CXADR: variants seen among roughly 807,000 people sequenced by gnomAD.
The protein encoded by CXADR is coxsackievirus and adenovirus receptor.
CXADR carries 20 observed loss-of-function variants against 40.3 expected under a neutral mutation model. That is an observed-to-expected ratio of 0.50 (90% CI 0.35 to 0.72). CXADR has a LOEUF of 0.72. CXADR is among the 30% of genes least tolerant of loss of function. CXADR has a pLI of 0.01. For missense variants in CXADR, 332 were observed against 449.1 expected (o/e 0.74, Z 2.36); for synonymous variants, 150 against 161.3 (o/e 0.93, Z 0.53).
chr21:17,598,549 T>C (rs189739532), downstream of CXADR: 2 of 1,348,710 alleles, frequency 1.5e-6, no homozygotes, highest in Non-Finnish European at 2.1e-6. Flanking sequence ...CAATGCCAAG[T>C]AGGACTACCT....
At chr21:17,604,735 C>T in the CXADR span, 8 of 1,187,388 alleles carry the variant, frequency 6.7e-6, no homozygotes, top group Non-Finnish European at 9.1e-6. Context: ...ATAAAATTTA[C>T]ATCTGAGAGA....
chr21:17,536,897 C>T (rs2060765824), intron 1 of CXADR, among the ~76,000 whole-genome samples: 1 of 152,088 alleles, frequency 6.6e-6, no homozygotes. Flanking sequence ...ACTGGGACTA[C>T]AGGCGCCCAC....
chr21:17,562,715 T>A (rs115944530), intron 6 of CXADR, among the ~76,000 whole-genome samples: 1 of 152,376 alleles, frequency 6.6e-6, no homozygotes, highest in African/African-American at 2.4e-5. Flanking sequence ...TCATCAACGA[T>A]CTTTTAACTA....
At chr21:17,530,132 T>TTTTTC (rs1555863321) in intron 1 of CXADR, among the ~76,000 whole-genome samples, 81 of 143,602 alleles carry the variant, frequency 5.6e-4, no homozygotes, top group Non-Finnish European at 1.0e-3. Flanking sequence ...TTTTTTTTTT[T>TTTTTC]GTATTTTTTA....
intron 1 of CXADR, among the ~76,000 whole-genome samples, chr21:17,543,668 A>T (rs1329403870): frequency 6.6e-6 from 1 of 152,188 alleles, no homozygotes; most frequent in Non-Finnish European, 1.5e-5. Flanking sequence ...AATTTCTGAA[A>T]TTGATCAAAT....
At chr21:17,634,502 G>A in the CXADR span, among the ~76,000 whole-genome samples, 2 of 152,192 alleles carry the variant, frequency 1.3e-5, no homozygotes, top group African/African-American at 4.8e-5. Context: ...ATGAGACAGA[G>A]CTTTGCAGAT....
At chr21:17,593,250 T>G in exon 8 of CXADR, 199 of 1,258,416 alleles carry the variant, frequency 1.6e-4, no homozygotes, top group Non-Finnish European at 1.9e-4. Flanking sequence ...TTTAGGCCTC[T>G]AGTAAAGACT....
chr21:17,630,926 G>A, the CXADR span, among the ~76,000 whole-genome samples: 4 of 152,014 alleles, frequency 2.6e-5, no homozygotes, highest in African/African-American at 4.8e-5. Flanking sequence ...AATTCGAAAC[G>A]CAGGGTGTCG....
intron 1 of CXADR, among the ~76,000 whole-genome samples, chr21:17,531,393 G>T (rs991958150): frequency 7.2e-5 from 11 of 151,764 alleles, no homozygotes; most frequent in Non-Finnish European, 1.5e-5. Flanking sequence ...TATTCTGGTG[G>T]ATGTGTTAGT....
chr21:17,566,205 T>A lies in CXADR; in HGVS notation c.*513T>A. The A allele has an allele frequency of 1.0e-6, 1 of 982,380 alleles. No individual in the cohort carries two copies. Among genetic ancestry groups the A allele is most frequent in the Non-Finnish European group, 1.2e-6 (1 of 827,158 alleles). 60.9% of individuals were successfully genotyped at this position (982,380 alleles called of 1,614,324 possible). On this transcript the variant is annotated 3_prime_UTR_variant, in exon 7 of 7. Transcript: ENST00000284878. ...TTGGTTTTACAGCTCCTTTGAAAACTCTGTGTTTGGAATATCTCTAAAAAC... is the reference window on the plus strand; with the variant it reads ...TTGGTTTTACAGCTCCTTTGAAAACACTGTGTTTGGAATATCTCTAAAAAC...
At chr21:17,548,492 C>G (rs917229448) in intron 2 of CXADR, among the ~76,000 whole-genome samples, 5 of 152,180 alleles carry the variant, frequency 3.3e-5, no homozygotes, top group Admixed American at 3.3e-4. Context: ...CCCTTCTCTC[C>G]CTTCTCTCTC....
At chr21:17,559,177 T>G in intron 4 of CXADR, 46 bp downstream of exon 4, 2 of 1,590,780 alleles carry the variant, frequency 1.3e-6, no homozygotes, top group Non-Finnish European at 1.7e-6. Flanking sequence ...TGATTTGGAC[T>G]AAGATCTAGT....
Position 17,568,948 on chromosome 21 carries a change from C to A in CXADR, c.*3256C>A. 1 of 983,016 alleles carries A rather than the reference C, an allele frequency of 1.0e-6. No individual in the cohort carries two copies. The highest frequency in any genetic ancestry group is 4.7e-5 in the South Asian group (1 of 21,214). The allele number at this position is 983,016 out of a possible 1,614,324, so 60.9% of individuals were successfully genotyped here. A position where few individuals can be genotyped will look rare whatever the true frequency, so the allele number is the denominator to read the frequency against. On this transcript the variant is annotated 3_prime_UTR_variant, in exon 7 of 7. Transcript: ENST00000284878. Reference sequence around the variant, plus strand: ...GATTGAAAAAATCCAAATCACTATCCATATAGATCATGGATATAAAGAGAT... The same window carrying A: ...GATTGAAAAAATCCAAATCACTATCAATATAGATCATGGATATAAAGAGAT...
Position 17,568,441 on chromosome 21 carries a change from TAAC to T in CXADR, c.*2751_*2753del, listed in dbSNP as rs1368208757. On this transcript the variant is annotated 3_prime_UTR_variant, in exon 7 of 7. Transcript: ENST00000284878. ...CTGCACCCGGCCCAGTACTGCATCTTAACAGCAAAGCCATTTTATTCTACTTTA... is the reference window on the plus strand; with the variant it reads ...CTGCACCCGGCCCAGTACTGCATCTTAGCAAAGCCATTTTATTCTACTTTA... 2 of 985,166 alleles carry T rather than the reference TAAC, an allele frequency of 2.0e-6. No individual in the cohort carries two copies. Among genetic ancestry groups the T allele is most frequent in the African/African-American group, 3.5e-5 (2 of 57,164 alleles). 61.0% of individuals were successfully genotyped at this position (985,166 alleles called of 1,614,324 possible). A position where few individuals can be genotyped will look rare whatever the true frequency, so the allele number is the denominator to read the frequency against.
chr21:17,528,222 T>C (rs879757640), intron 1 of CXADR, among the ~76,000 whole-genome samples: 4 of 150,482 alleles, frequency 2.7e-5, no homozygotes, highest in Non-Finnish European at 4.4e-5. Context: ...TACAGGTGCC[T>C]GCCACCTCAC....
At chr21:17,611,096 C>A in the CXADR span, among the ~76,000 whole-genome samples, 1 of 152,212 alleles carries the variant, frequency 6.6e-6, no homozygotes, top group Non-Finnish European at 1.5e-5. Context: ...TAACCCCAGC[C>A]CACCACGACT....
At chr21:17,612,926 A>T in the CXADR span, 43 of 151,858 alleles carry the variant, frequency 2.8e-4, no homozygotes, top group African/African-American at 9.9e-4. Context: ...AGCGGCGCGC[A>T]GGGGGCTCGC....
chr21:17,545,086 T>TG (rs1435390522), intron 1 of CXADR, among the ~76,000 whole-genome samples: 2 of 145,572 alleles, frequency 1.4e-5, no homozygotes, highest in Non-Finnish European at 3.0e-5. Flanking sequence ...TTTTTTTTTT[T>TG]TTTTTTTTTT....
chr21:17,628,445 C>A, the CXADR span, among the ~76,000 whole-genome samples: 1 of 152,188 alleles, frequency 6.6e-6, no homozygotes, highest in Non-Finnish European at 1.5e-5. Context: ...GGGCTTGAGA[C>A]CCAGGAAGAG....
Sources: gnomAD v4.1 joint callset for allele counts (sites outside exome capture counted in the v4.1 genomes callset) on GRCh38, gnomAD v4.1.1 for gene constraint, MANE v1.5 for transcripts, NCBI Gene and HGNC (gene_info 2026-07-23, HGNC 2026-07-21) for gene names.